The following PPM1L variants were observed in gnomAD, a reference collection of about 807,000 sequenced individuals.
PPM1L encodes the protein protein phosphatase 1L.
In PPM1L, 13 loss-of-function variants were observed where a neutral mutation model predicts 31.4. The ratio of observed to expected loss-of-function variants is 0.41; its 90% CI spans 0.27 to 0.66. The LOEUF (loss-of-function observed/expected upper bound fraction) is 0.66. Among genes scored for constraint, PPM1L ranks in the 30% least tolerant of loss-of-function variants. The pLI is 0.29. For synonymous variants in PPM1L, 184 were observed against 175.4 expected, an observed-to-expected ratio of 1.05 and a Z score of -0.39; for missense variants, 326 against 453.7, an observed-to-expected ratio of 0.72 and a Z score of 2.56.
intron 2 of PPM1L, among the ~76,000 whole-genome samples, chr3:160,977,017 A>C (rs1399035684): frequency 6.6e-6 from 1 of 152,140 alleles, no homozygotes; most frequent in Admixed American, 6.5e-5. Context: ...ATTTAGTGCT[A>C]TAAATTTCCC....
intron 2 of PPM1L, among the ~76,000 whole-genome samples, chr3:160,997,588 G>A (rs752376628): frequency 1.3e-5 from 2 of 152,146 alleles, no homozygotes; most frequent in Non-Finnish European, 2.9e-5. Flanking sequence ...AAGTCACATT[G>A]TCAGATGTCA....
At chr3:161,053,873 A>G (rs1343334953) in intron 2 of PPM1L, among the ~76,000 whole-genome samples, 1 of 152,252 alleles carries the variant, frequency 6.6e-6, no homozygotes, top group Admixed American at 6.5e-5. Flanking sequence ...TGACTGCCTC[A>G]TATTCATCCA....
Position 160,961,773 on chromosome 3 carries a change from C to A in PPM1L, c.437C>A (p.Ala146Asp). 1 of 1,600,100 alleles carries A rather than the reference C, an allele frequency of 6.2e-7. No homozygotes were observed. Among genetic ancestry groups the A allele is most frequent in the Non-Finnish European group, 8.5e-7 (1 of 1,174,406 alleles). Residue 146 changes from alanine to aspartate, a missense_variant, in exon 2 of 4, where the codon GCC becomes GAC. Physicochemically the swap from Ala to Asp is moderately radical, Grantham distance 126 (BLOSUM62 -2). This residue lies in a region of PPM1L where 201 missense variants were observed against 298.2 expected (regional missense o/e 0.67). Transcript: ENST00000498165. ...TATGTAAAATCTCGACTCCCAGAGG[C>A]CCTTAAACAGCATCTTCAGGACTAC... ...AEYVKSRLPE[A>D]LKQHLQDYEK...
At chr3:160,831,095 A>G (rs1467787316) in intron 1 of PPM1L, among the ~76,000 whole-genome samples, 1 of 152,212 alleles carries the variant, frequency 6.6e-6, no homozygotes, top group Non-Finnish European at 1.5e-5. Flanking sequence ...CATAGTTGCT[A>G]GGGAGAACCC....
chr3:160,785,748 C>T (rs1383905137), intron 1 of PPM1L, among the ~76,000 whole-genome samples: 3 of 151,976 alleles, frequency 2.0e-5, no homozygotes, highest in African/African-American at 7.2e-5. Flanking sequence ...CATTATGTAA[C>T]CATCCCTTGC....
At chr3:160,912,614 A>C (rs6800633) in intron 1 of PPM1L, among the ~76,000 whole-genome samples, 5,683 of 152,266 alleles carry the variant, frequency 0.037, 317 homozygotes, top group African/African-American at 0.11. Context: ...ATCCCCTAAG[A>C]CCTTCTATTA....
intron 1 of PPM1L, among the ~76,000 whole-genome samples, chr3:160,944,100 TC>T (rs1174244966): frequency 6.6e-6 from 1 of 152,106 alleles, no homozygotes. Flanking sequence ...AGGACACTGT[TC>T]CACAGCAGAT....
intron 2 of PPM1L, among the ~76,000 whole-genome samples, chr3:161,019,297 G>T (rs959092593): frequency 2.8e-5 from 4 of 144,586 alleles, no homozygotes; most frequent in African/African-American, 9.9e-5. Flanking sequence ...GGGTTCAAGT[G>T]ATTCTCCCAC....
At chr3:161,042,977 G>A (rs537610835) in intron 2 of PPM1L, among the ~76,000 whole-genome samples, 13 of 149,858 alleles carry the variant, frequency 8.7e-5, no homozygotes, top group South Asian at 4.2e-4. Context: ...CTGAGATCAC[G>A]CCAGTGCACT....
intron 1 of PPM1L, among the ~76,000 whole-genome samples, chr3:160,862,363 C>T (rs1711922448): frequency 6.6e-6 from 1 of 152,088 alleles, no homozygotes; most frequent in South Asian, 2.1e-4. Context: ...GGGCTGTGCA[C>T]ATTAGTCCCT....
intron 2 of PPM1L, among the ~76,000 whole-genome samples, chr3:161,053,668 G>C (rs905505799): frequency 3.9e-5 from 6 of 152,268 alleles, no homozygotes; most frequent in Admixed American, 2.0e-4. Context: ...CCTCACTAAA[G>C]AGATATTTTT....
chr3:161,015,679 C>T (rs931281168), intron 2 of PPM1L, among the ~76,000 whole-genome samples: 2 of 152,080 alleles, frequency 1.3e-5, no homozygotes, highest in African/African-American at 4.8e-5. Flanking sequence ...CAGTGGTTCT[C>T]TTGATTTGCG....
At chr3:160,777,533 T>A (rs908120234) in intron 1 of PPM1L, among the ~76,000 whole-genome samples, 1 of 152,158 alleles carries the variant, frequency 6.6e-6, no homozygotes, top group African/African-American at 2.4e-5. Flanking sequence ...TTCCTCCCTG[T>A]AGCCCCCTGA....
chr3:160,970,792 T>TTTTTC (rs1716308739), intron 2 of PPM1L, among the ~76,000 whole-genome samples: 1 of 133,902 alleles, frequency 7.5e-6, no homozygotes, highest in Non-Finnish European at 1.6e-5. Flanking sequence ...TTATAATTTT[T>TTTTTC]TTTTTTTTTT....
chr3:160,913,484 A>G (rs991617599), intron 1 of PPM1L, among the ~76,000 whole-genome samples: 4 of 152,204 alleles, frequency 2.6e-5, no homozygotes, highest in Admixed American at 1.3e-4. Flanking sequence ...ATATAGCTGT[A>G]TAAATACCAC....
intron 2 of PPM1L, among the ~76,000 whole-genome samples, chr3:161,047,371 A>C (rs1719118128): frequency 2.0e-5 from 3 of 152,180 alleles, no homozygotes; most frequent in Admixed American, 6.5e-5. Context: ...TAGGAATCCA[A>C]CTTACAAGGG....
intron 1 of PPM1L, among the ~76,000 whole-genome samples, chr3:160,808,416 T>TGCGTGCGTGCGTGC (rs1188215524): frequency 1.5e-5 from 2 of 129,276 alleles, no homozygotes; most frequent in Non-Finnish European, 3.3e-5. Context: ...TGTGTGTGTG[T>TGCGTGCGTGCGTGC]GTGTGTGGTG....
intron 2 of PPM1L, among the ~76,000 whole-genome samples, chr3:160,964,243 A>C (rs2108110278): frequency 6.6e-6 from 1 of 152,090 alleles, no homozygotes; most frequent in South Asian, 2.1e-4. Context: ...TTGATTCCCC[A>C]AAAATCTTAA....
chr3:161,068,744 A>G lies in PPM1L; in HGVS notation c.737-67A>G, dbSNP rs1016190608. 12 of 1,372,612 alleles carry G rather than the reference A, an allele frequency of 8.7e-6. No homozygotes were observed. The Admixed American group carries it at 2.6e-4, about 29-fold the overall frequency. The allele number at this position is 1,372,612 out of a possible 1,614,324, so 85.0% of individuals were successfully genotyped here. A position where few individuals can be genotyped will look rare whatever the true frequency, so the allele number is the denominator to read the frequency against. On this transcript the variant is annotated intron_variant, in intron 3 of 3. Transcript: ENST00000498165. The stretch of plus-strand genomic sequence containing the variant: ...AAGTAGGTCACCCTGTTGCGCACGT[A>G]CCTAGACTATCCCAGGTAAGTGAGA...
Sources: gnomAD v4.1 joint callset for allele counts (sites outside exome capture counted in the v4.1 genomes callset) on GRCh38, gnomAD v4.1.1 for gene constraint, gnomAD v4.1.1 regional missense constraint, MANE v1.5 for transcripts, NCBI Gene and HGNC (gene_info 2026-07-23, HGNC 2026-07-21) for gene names.